The following SLC25A39 variants were observed in gnomAD, a reference collection of about 807,000 sequenced individuals.
SLC25A39 encodes the protein mitochondrial glutathione transporter SLC25A39.
A neutral mutation model predicts 46.6 loss-of-function variants in SLC25A39; 44 were observed. The ratio of observed to expected loss-of-function variants is 0.94; its 90% CI spans 0.74 to 1.21. The LOEUF (loss-of-function observed/expected upper bound fraction) is 1.21, where lower values mean the gene tolerates loss of function less well. Ranked by LOEUF, SLC25A39 falls within the 50% of genes most tolerant of loss-of-function variation. SLC25A39 has a pLI of 0.00. For missense variants in SLC25A39, 487 were observed against 473.0 expected (o/e 1.03, Z -0.28); for synonymous variants, 218 against 190.6 (o/e 1.14, Z -1.19).
intron 8 of SLC25A39, 112 bp from the exon 9 acceptor site, chr17:44,320,843 T>G (rs1171959824): frequency 6.9e-6 from 7 of 1,021,342 alleles, no homozygotes; most frequent in African/African-American, 1.6e-5. Context: ...GTCTGCTACA[T>G]GCAGGCTCAG....
rs2048014338 is a variant in SLC25A39, at chr17:44,321,056, A to C, written c.691+2T>G. The stretch of plus-strand genomic sequence containing the variant: ...CCCACCCCCTGCAGCTTGGGTGCCT[A>C]CCTGAGAAGGGCACATCTCGAAGGG... On this transcript the variant is annotated splice_donor_variant, in intron 8 of 11. Coordinates refer to ENST00000377095, the MANE Select transcript of SLC25A39 (RefSeq NM_001143780.3). LOFTEE classifies it high-confidence loss of function. 3 of 1,588,404 alleles carry C rather than the reference A, an allele frequency of 1.9e-6. No homozygotes were observed. In the African/African-American group the frequency reaches 4.0e-5, roughly 21 times the overall value.
In SLC25A39 at chr17:44,319,956, CT is replaced by C; in HGVS notation, c.*44del. On this transcript the variant is annotated 3_prime_UTR_variant, in exon 12 of 12. Transcript: ENST00000377095. ...ACTTGGCTGGGTCTCCTCCTGCCCT[CT>C]CCCCATCCGTGGGAGAGACGGGGTC... The C allele has an allele frequency of 1.3e-6, 2 of 1,589,894 alleles. No individual in the cohort carries two copies. Among genetic ancestry groups the C allele is most frequent in the Non-Finnish European group, 1.7e-6 (2 of 1,159,018 alleles).
chr17:44,320,447 G>A lies in SLC25A39; in HGVS notation c.802-11C>T. On this transcript the variant is annotated splice_polypyrimidine_tract_variant and intron_variant, in intron 9 of 11. Coordinates refer to ENST00000377095, the MANE Select transcript of SLC25A39 (RefSeq NM_001143780.3). The stretch of plus-strand genomic sequence containing the variant: ...CAGCACTGCAGCCACCTGGTGGGGT[G>A]GGCGGGGAGAGGGCTCAGCTCCACT... 6.2e-7 allele frequency: 1 copy of A among 1,613,376 alleles called. No homozygotes were observed. The highest frequency in any genetic ancestry group is 8.5e-7 in the Non-Finnish European group (1 of 1,179,964).
chr17:44,322,443 G>C lies in SLC25A39; in HGVS notation c.300C>G (p.Asp100Glu), dbSNP rs1477156337. ...NGARCATWFQ[D>E]PTRFTGTMDA... ...CCATGGTGCCAGTGAAGCGGGTAGG[G>C]TCTTGAAACCAGGTGGCACAGCGGG... is the stretch of plus-strand genomic sequence containing the variant. The change falls in exon 5 of 12, where the codon GAC becomes GAG. Residue 100 changes from aspartate (D) to glutamate (E), a missense_variant. By Grantham distance (45) the Asp-to-Glu change is conservative. Transcript: ENST00000377095. The C allele has an allele frequency of 6.2e-7, 1 of 1,614,170 alleles. No individual in the cohort carries two copies. The highest frequency in any genetic ancestry group is 1.7e-5 in the Admixed American group (1 of 60,022).
chr17:44,323,209 A>C, intron 3 of SLC25A39, 75 bp downstream of exon 3: 2 of 1,571,632 alleles, frequency 1.3e-6, no homozygotes, highest in Admixed American at 3.4e-5. Flanking sequence ...AGGTATGAGA[A>C]ACCACGGCCA....
At chr17:44,321,620 C>T in intron 6 of SLC25A39, 62 bp from the exon 7 acceptor site, 1 of 1,608,156 alleles carries the variant, frequency 6.2e-7, no homozygotes, top group South Asian at 1.1e-5. Context: ...TAAAGCATCA[C>T]CTGCCCCACC....
At position 44,321,758 on chromosome 17, in the gene SLC25A39, C is replaced by G; in HGVS notation, c.334G>C (p.Val112Leu). The change falls in exon 6 of 12, where the codon GTG becomes CTG. Residue 112 changes from valine (V) to leucine (L), a missense_variant. Transcript: ENST00000377095. ...GTGCCCTCGTGCCTCACGATCTTCA[C>G]GAAGGCATCCTGGCCAAGCAGGCAC... ...TRFTGTMDAF[V>L]KIVRHEGTRT... 2 of 1,611,926 alleles carry G rather than the reference C, an allele frequency of 1.2e-6. No individual in the cohort carries two copies. The highest frequency in any genetic ancestry group is 1.7e-6 in the Non-Finnish European group (2 of 1,178,828).
chr17:44,322,570 G>A lies in SLC25A39; in HGVS notation c.191-18C>T. On this transcript the variant is annotated intron_variant, in intron 4 of 11. Transcript: ENST00000377095. ...GGAGGGCACTGGGGAAAGGCAGGGG[G>A]CATTATAATGACAGGATCCTAGAAC... is the stretch of plus-strand genomic sequence containing the variant. The A allele has an allele frequency of 6.2e-7, 1 of 1,612,658 alleles. No individual in the cohort carries two copies. Among genetic ancestry groups the A allele is most frequent in the Non-Finnish European group, 8.5e-7 (1 of 1,179,314 alleles).
intron 6 of SLC25A39, 40 bp from the exon 7 acceptor site, chr17:44,321,598 G>C (rs777515947): frequency 6.2e-7 from 1 of 1,611,490 alleles, no homozygotes; most frequent in Non-Finnish European, 8.5e-7. Flanking sequence ...CTCCCAAAAG[G>C]ACCCAAACTT....
rs748215429 is a variant in SLC25A39, at chr17:44,320,211, T to C, written c.949A>G (p.Lys317Glu). 2 of 1,613,882 alleles carry C rather than the reference T, an allele frequency of 1.2e-6. No individual in the cohort carries two copies. The highest frequency in any genetic ancestry group is 1.7e-5 in the Admixed American group (1 of 60,024). ...ACACACTGACCTGCAAAGAGTCCCTTGGTGCCCGACTCGGCCCGGATCCTC... is the reference window on the plus strand; with the variant it reads ...ACACACTGACCTGCAAAGAGTCCCTCGGTGCCCGACTCGGCCCGGATCCTC... ...LRRIRAESGT[K>E]GLFAGFLPRI... Residue 317 changes from lysine to glutamate, a missense_variant, in exon 11 of 12, where the codon AAG becomes GAG. Transcript: ENST00000377095.
Position 44,320,272 on chromosome 17 carries a change from GT to G in SLC25A39, c.887del (p.Asn296ThrfsTer42). On this transcript the variant is annotated frameshift_variant, in exon 11 of 12. Coordinates refer to ENST00000377095, the MANE Select transcript of SLC25A39 (RefSeq NM_001143780.3). LOFTEE classifies it high-confidence loss of function. ...GCCAGGTGGAGTCCACATGCAGGGG[GT>G]TCACTGCAAACGCGAGGCCGGCTCA... ...ALGAMEAVRV[N>X]PLHVDSTWLL... is the part of the protein sequence containing the mutation. 2 of 1,613,770 alleles carry G rather than the reference GT, an allele frequency of 1.2e-6. No homozygotes were observed. The highest frequency in any genetic ancestry group is 1.7e-6 in the Non-Finnish European group (2 of 1,180,034).
rs2048016178 is a variant in SLC25A39 at position 44,321,101 on chromosome 17, CCA to C, written c.646_647del (p.Trp216AlafsTer22). 1 of 1,611,190 alleles carries C rather than the reference CCA, an allele frequency of 6.2e-7. No homozygotes were observed. The highest frequency in any genetic ancestry group is 8.5e-7 in the Non-Finnish European group (1 of 1,179,330). ...AVAQGGWRSLWLGWGPTALRD... is the reference protein window; with the variant it reads ...AVAQGGWRSLXLGWGPTALRD... ...GAAGGGCAGTGGGGCCCCAGCCCAG[CCA>C]CAGTGAGCGCCAGCCACCCTGAGCC... On this transcript the variant is annotated frameshift_variant, in exon 8 of 12. Transcript: ENST00000377095. LOFTEE classifies it high-confidence loss of function.
chr17:44,324,512 C>G (rs1276405347), intron 1 of SLC25A39, 199 bp downstream of exon 1: 2 of 152,302 alleles, frequency 1.3e-5, no homozygotes, highest in Non-Finnish European at 2.9e-5. Context: ...GGGGCGCAGC[C>G]GGGAGAGCGG....
intron 2 of SLC25A39, 44 bp downstream of exon 2, chr17:44,323,434 G>GGGCCCCCCCCCCCCC: frequency 7.3e-7 from 1 of 1,367,924 alleles, no homozygotes; most frequent in Non-Finnish European, 1.0e-6. Flanking sequence ...TCTCCGGTCT[G>GGGCCCCCCCCCCCCC]CCCCATCCCC....
intron 7 of SLC25A39, 27 bp downstream of exon 7, chr17:44,321,407 A>G: frequency 6.2e-7 from 1 of 1,613,388 alleles, no homozygotes; most frequent in South Asian, 1.1e-5. Context: ...GGACAGAGGG[A>G]GGTCAAAGGC....
rs930875770 is a variant in SLC25A39, at chr17:44,320,085, G to A, written c.996C>T (p.Pro332=). The change falls in exon 12 of 12, where the codon CCC becomes CCT. Residue 332 remains proline (P), a synonymous_variant. Coordinates refer to ENST00000377095, the MANE Select transcript of SLC25A39 (RefSeq NM_001143780.3). The stretch of plus-strand genomic sequence containing the variant: ...AGGTGCTGATCATGATGGCACAGGA[G>A]GGGGCAGCCTTGATGATCCGAGGAA... ...GFLPRIIKAA[P]SCAIMISTYE... is the part of the protein sequence containing the mutation. 3.1e-6 allele frequency: 5 copies of A among 1,614,112 alleles called. No homozygotes were observed. The highest frequency in any genetic ancestry group is 1.7e-5 in the Admixed American group (1 of 60,028).
chr17:44,322,382 A>G (rs2048074025), intron 5 of SLC25A39, 37 bp downstream of exon 5: 3 of 1,612,872 alleles, frequency 1.9e-6, no homozygotes, highest in African/African-American at 1.3e-5. Context: ...CTCCTCACGG[A>G]CACCGACGAA....
At chr17:44,323,669 C>T in intron 1 of SLC25A39, 92 bp from the exon 2 acceptor site, 3 of 875,024 alleles carry the variant, frequency 3.4e-6, no homozygotes, top group Non-Finnish European at 5.3e-6. Flanking sequence ...GACGGCGTCT[C>T]GCTCTGCGCA....
Position 44,324,786 on chromosome 17 carries a change from C to G in SLC25A39, c.-91G>C, listed in dbSNP as rs1044010211. On this transcript the variant is annotated 5_prime_UTR_variant, in exon 1 of 12. Transcript: ENST00000377095. ...CCATACCGGCTCCGCCGCCTGTGCGCGGTCCGCGCGCGCTCGCAGCGCACC... is the reference window on the plus strand; with the variant it reads ...CCATACCGGCTCCGCCGCCTGTGCGGGGTCCGCGCGCGCTCGCAGCGCACC... 2 of 152,034 alleles carry G rather than the reference C, an allele frequency of 1.3e-5. No homozygotes were observed. The highest frequency in any genetic ancestry group is 2.9e-5 in the Non-Finnish European group (2 of 68,006). The allele number at this position is 152,034 out of a possible 1,614,324, so 9.4% of individuals were successfully genotyped here. A position where few individuals can be genotyped will look rare whatever the true frequency, so the allele number is the denominator to read the frequency against.
Sources: gnomAD v4.1 joint callset for allele counts on GRCh38, gnomAD v4.1.1 for gene constraint, MANE v1.5 for transcripts, NCBI Gene and HGNC (gene_info 2026-07-23, HGNC 2026-07-21) for gene names.